Variants in KCNB2 observed in about 807,000 individuals in gnomAD.
The protein encoded by KCNB2 is potassium voltage-gated channel subfamily B member 2.
In KCNB2, 15 loss-of-function variants were observed where a neutral mutation model predicts 61.5. The observed-to-expected ratio is 0.24, with a 90% CI of 0.16 to 0.38. The LOEUF (loss-of-function observed/expected upper bound fraction) is 0.38, where lower values mean the gene tolerates loss of function less well. Among genes scored for constraint, KCNB2 ranks in the 10% least tolerant of loss-of-function variants. The pLI, the probability that KCNB2 is intolerant of heterozygous loss-of-function variation, is 1.00. For missense variants in KCNB2, 828 were observed against 1,125.2 expected (o/e 0.74, Z 3.78); for synonymous variants, 457 against 446.0 (o/e 1.02, Z -0.31).
intron 2 of KCNB2, among the ~76,000 whole-genome samples, chr8:72,773,244 G>C (rs918125816): frequency 6.6e-6 from 1 of 152,146 alleles, no homozygotes; most frequent in Admixed American, 6.5e-5. Context: ...TAAGCTGCAC[G>C]TCATGAAAAC....
intron 2 of KCNB2, among the ~76,000 whole-genome samples, chr8:72,798,369 G>T (rs765261497): frequency 6.6e-6 from 1 of 152,146 alleles, no homozygotes; most frequent in South Asian, 2.1e-4. Context: ...CTACTGGAAG[G>T]TGAGCTTTTT....
chr8:72,604,412 A>G (rs1805414750), intron 2 of KCNB2, among the ~76,000 whole-genome samples: 1 of 152,222 alleles, frequency 6.6e-6, no homozygotes, highest in African/African-American at 2.4e-5. Flanking sequence ...AAAAACCTTG[A>G]GATCAAGTTT....
At chr8:72,732,731 T>A (rs1374380775) in intron 2 of KCNB2, among the ~76,000 whole-genome samples, 1 of 152,196 alleles carries the variant, frequency 6.6e-6, no homozygotes, top group Non-Finnish European at 1.5e-5. Context: ...ATGCTTGAGA[T>A]TAATATTAAG....
Position 72,671,562 on chromosome 8 carries a change from A to G in KCNB2, c.579+103249A>G, listed in dbSNP as rs576183589. Among the ~76,000 whole-genome samples the G allele has an allele frequency of 7.2e-5, 11 of 152,296 alleles. No homozygotes were observed. The East Asian group carries it at 2.1e-3, about 29-fold the overall frequency. On this transcript the variant is annotated intron_variant, in intron 2 of 2. Coordinates refer to ENST00000523207, the MANE Select transcript of KCNB2 (RefSeq NM_004770.3). ...ATTATGATAAGAAAAATTCCATCAC[A>G]GCCTTAATATATGAAGGAGAATACA...
intron 2 of KCNB2, among the ~76,000 whole-genome samples, chr8:72,804,601 C>A (rs1441214413): frequency 6.6e-6 from 1 of 152,202 alleles, no homozygotes; most frequent in Non-Finnish European, 1.5e-5. Flanking sequence ...ACCACCCCAA[C>A]TCCCCTGAGG....
intron 2 of KCNB2, among the ~76,000 whole-genome samples, chr8:72,829,404 A>G (rs1460516766): frequency 6.6e-6 from 1 of 152,226 alleles, no homozygotes; most frequent in Non-Finnish European, 1.5e-5. Context: ...ATCTACTAAT[A>G]TTGTCAGAAA....
chr8:72,677,643 G>C (rs1391149045), intron 2 of KCNB2, among the ~76,000 whole-genome samples: 2 of 152,148 alleles, frequency 1.3e-5, no homozygotes, highest in Admixed American at 6.5e-5. Context: ...TATGCCATCT[G>C]TCAGCAGCAT....
chr8:72,906,308 A>G (rs564018292), intron 2 of KCNB2, among the ~76,000 whole-genome samples: 56 of 152,202 alleles, frequency 3.7e-4, no homozygotes, highest in Non-Finnish European at 7.6e-4. Context: ...AAGCCAATGA[A>G]TCTTTTGCTT....
intron 2 of KCNB2, among the ~76,000 whole-genome samples, chr8:72,823,525 A>G (rs561864658): frequency 3.0e-4 from 45 of 152,300 alleles, no homozygotes; most frequent in Non-Finnish European, 6.0e-4. Context: ...GTCATACTCT[A>G]CTTCCAAGCT....
chr8:72,849,119 C>T (rs1001872758), intron 2 of KCNB2, among the ~76,000 whole-genome samples: 79 of 128,954 alleles, frequency 6.1e-4, no homozygotes, highest in Non-Finnish European at 1.2e-3. Context: ...ATTTTCTTAG[C>T]CACAAAAAGA....
intron 2 of KCNB2, among the ~76,000 whole-genome samples, chr8:72,794,416 T>G (rs1337305866): frequency 6.6e-6 from 1 of 151,748 alleles, no homozygotes; most frequent in East Asian, 1.9e-4. Flanking sequence ...ATACAAAAAA[T>G]TAGCCGGGCG....
intron 2 of KCNB2, among the ~76,000 whole-genome samples, chr8:72,742,532 C>T (rs542751583): frequency 3.3e-4 from 50 of 152,292 alleles, no homozygotes; most frequent in African/African-American, 1.1e-3. Flanking sequence ...AGGCAGAATA[C>T]GCTGGCCTGC....
chr8:72,826,983 A>G (rs10957621), intron 2 of KCNB2, among the ~76,000 whole-genome samples: 34,238 of 152,238 alleles, frequency 0.22, 4,228 homozygotes, highest in Non-Finnish European at 0.28. Flanking sequence ...CAGAGAAAGG[A>G]TCAAACAGTG....
At chr8:72,818,227 T>A (rs1429304294) in intron 2 of KCNB2, among the ~76,000 whole-genome samples, 1 of 152,138 alleles carries the variant, frequency 6.6e-6, no homozygotes, top group African/African-American at 2.4e-5. Context: ...CCCTAGTATG[T>A]AACAAAAATA....
intron 2 of KCNB2, among the ~76,000 whole-genome samples, chr8:72,929,358 C>T (rs1404685368): frequency 6.6e-6 from 1 of 152,122 alleles, no homozygotes; most frequent in Non-Finnish European, 1.5e-5. Context: ...TGCTGGGAGC[C>T]CTCTTCTGAA....
chr8:72,625,902 A>G lies in KCNB2; in HGVS notation c.579+57589A>G, dbSNP rs186788525. On this transcript the variant is annotated intron_variant, in intron 2 of 2. Transcript: ENST00000523207. ...TTTAGAATCAGAACTTTGCAGTCCC[A>G]TGATAATGCAATAGTGAGATACAGT... 5.3e-3 allele frequency among the ~76,000 whole-genome samples: 813 copies of G among 152,270 alleles called. 9 individuals carry two copies. The highest frequency in any genetic ancestry group is 0.019 in the African/African-American group (782 of 41,552).
intron 2 of KCNB2, among the ~76,000 whole-genome samples, chr8:72,628,914 A>G (rs997807422): frequency 2.6e-5 from 4 of 152,206 alleles, no homozygotes; most frequent in African/African-American, 7.2e-5. Context: ...CTTCAGAAGT[A>G]TATGTGTGCT....
chr8:72,713,775 A>G (rs1464880131), intron 2 of KCNB2, among the ~76,000 whole-genome samples: 3 of 152,350 alleles, frequency 2.0e-5, no homozygotes, highest in East Asian at 3.9e-4. Flanking sequence ...AAAGGAACGC[A>G]GCTCCTCACC....
chr8:72,870,832 C>A (rs1805603547), intron 2 of KCNB2, among the ~76,000 whole-genome samples: 1 of 152,222 alleles, frequency 6.6e-6, no homozygotes, highest in South Asian at 2.1e-4. Flanking sequence ...CAAAAATTTG[C>A]CAGGTGTGGT....
Sources: allele counts gnomAD v4.1 joint callset (sites outside exome capture counted in the v4.1 genomes callset), GRCh38; gene constraint gnomAD v4.1.1; transcripts MANE v1.5; gene names NCBI Gene and HGNC (gene_info 2026-07-23, HGNC 2026-07-21).